The following GALNT10 variants were observed in gnomAD, a reference collection of about 807,000 sequenced individuals.
GALNT10 encodes the protein polypeptide N-acetylgalactosaminyltransferase 10.
Under a neutral mutation model 75.0 loss-of-function variants are expected in GALNT10, and 41 were observed. That is an observed-to-expected ratio of 0.55 (90% CI 0.43 to 0.71). GALNT10 has a LOEUF of 0.71. GALNT10 is among the 30% of genes least tolerant of loss of function. The pLI, the probability that GALNT10 is intolerant of heterozygous loss-of-function variation, is 0.00. For missense variants in GALNT10, 727 were observed against 818.5 expected (o/e 0.89, Z 1.36); for synonymous variants, 302 against 313.0 (o/e 0.96, Z 0.37).
At chr5:154,395,573 A>G (rs1001012130) in intron 7 of GALNT10, among the ~76,000 whole-genome samples, 3 of 152,180 alleles carry the variant, frequency 2.0e-5, no homozygotes, top group African/African-American at 4.8e-5. Flanking sequence ...CAGGAAGACA[A>G]GAGTGGAAAG....
intron 4 of GALNT10, among the ~76,000 whole-genome samples, chr5:154,346,898 G>A (rs1199049642): frequency 1.3e-5 from 2 of 151,878 alleles, no homozygotes; most frequent in African/African-American, 4.8e-5. Flanking sequence ...GATTAATTGA[G>A]ATATTTTGTG....
chr5:154,196,588 C>CA (rs1774943885), intron 1 of GALNT10, among the ~76,000 whole-genome samples: 1 of 151,826 alleles, frequency 6.6e-6, no homozygotes, highest in African/African-American at 2.4e-5. Flanking sequence ...TCCATGGCAG[C>CA]AAAAAATGGT....
At chr5:154,277,288 T>C (rs1193604368) in intron 1 of GALNT10, among the ~76,000 whole-genome samples, 11 of 151,582 alleles carry the variant, frequency 7.3e-5, no homozygotes, top group African/African-American at 2.7e-4. Flanking sequence ...AACATCTTTC[T>C]AGCATACTAG....
At chr5:154,336,161 T>C (rs1157576574) in intron 4 of GALNT10, among the ~76,000 whole-genome samples, 1 of 152,264 alleles carries the variant, frequency 6.6e-6, no homozygotes, top group Non-Finnish European at 1.5e-5. Flanking sequence ...TATGGCTTGA[T>C]AGCTCATTTC....
chr5:154,270,492 AC>A (rs1753845396), intron 1 of GALNT10, among the ~76,000 whole-genome samples: 1 of 152,014 alleles, frequency 6.6e-6, no homozygotes, highest in African/African-American at 2.4e-5. Context: ...CCCTGGTTGA[AC>A]AACATGAGAC....
At chr5:154,245,436 T>G (rs915573405) in intron 1 of GALNT10, among the ~76,000 whole-genome samples, 1 of 152,170 alleles carries the variant, frequency 6.6e-6, no homozygotes, top group Admixed American at 6.5e-5. Flanking sequence ...CCTGTAAGCT[T>G]GCTCTACCCA....
intron 1 of GALNT10, among the ~76,000 whole-genome samples, chr5:154,216,297 C>G (rs557925646): frequency 6.6e-6 from 1 of 152,036 alleles, no homozygotes; most frequent in African/African-American, 2.4e-5. Flanking sequence ...TGCATTTTTA[C>G]GTGTTGAAGG....
intron 1 of GALNT10, among the ~76,000 whole-genome samples, chr5:154,228,293 G>C (rs1753093453): frequency 6.6e-6 from 1 of 152,174 alleles, no homozygotes; most frequent in Non-Finnish European, 1.5e-5. Context: ...TTTTTCTACT[G>C]ATACTCAGTT....
intron 10 of GALNT10, 106 bp from the exon 11 acceptor site, chr5:154,415,677 A>G (rs1385796012): frequency 2.8e-6 from 3 of 1,064,142 alleles, no homozygotes; most frequent in Non-Finnish European, 4.2e-6. Context: ...TTAATATATT[A>G]TTATTTGGAC....
intron 1 of GALNT10, among the ~76,000 whole-genome samples, chr5:154,288,408 TTGTGTGTGTG>T (rs10534031): frequency 0.13 from 15,990 of 122,562 alleles, 975 homozygotes; most frequent in African/African-American, 0.18. Context: ...AAAATTCCAT[TTGTGTGTGTG>T]TGTGTGTGTG....
intron 1 of GALNT10, among the ~76,000 whole-genome samples, chr5:154,201,465 A>T (rs573403717): frequency 1.3e-5 from 2 of 152,306 alleles, no homozygotes; most frequent in African/African-American, 2.4e-5. Context: ...AGACTCACTT[A>T]TGTTTATATT....
intron 3 of GALNT10, among the ~76,000 whole-genome samples, chr5:154,304,765 C>T (rs1754406596): frequency 6.6e-6 from 1 of 151,950 alleles, no homozygotes; most frequent in Admixed American, 6.6e-5. Context: ...AAATGTGTGC[C>T]AACATAAAGA....
chr5:154,243,971 A>T (rs1003303876), intron 1 of GALNT10, among the ~76,000 whole-genome samples: 1 of 152,174 alleles, frequency 6.6e-6, no homozygotes, highest in African/African-American at 2.4e-5. Flanking sequence ...CATTTTATAG[A>T]TGAGGATAAG....
chr5:154,407,841 G>C (rs374521415), intron 8 of GALNT10, among the ~76,000 whole-genome samples: 1 of 152,122 alleles, frequency 6.6e-6, no homozygotes, highest in East Asian at 1.9e-4. Flanking sequence ...GGAAGAACTA[G>C]GTAGCAACAA....
rs1561684505 is a variant in GALNT10 at position 154,403,965 on chromosome 5, T to C, written c.1057-139T>C. ...GTTATTATATTACTGTGTTTTCCCA[T>C]GTCATTAGGTCTGTGATCCAGGCTT... On this transcript the variant is annotated intron_variant, in intron 7 of 11. Transcript: ENST00000297107. 2.3e-4 allele frequency: 172 copies of C among 738,032 alleles called. 1 individual carries two copies. The South Asian group carries it at 2.5e-3, about 11-fold the overall frequency. The allele number at this position is 738,032 out of a possible 1,614,324, so 45.7% of individuals were successfully genotyped here.
At chr5:154,284,182 C>T (rs889908161) in intron 1 of GALNT10, among the ~76,000 whole-genome samples, 1 of 152,196 alleles carries the variant, frequency 6.6e-6, no homozygotes, top group Non-Finnish European at 1.5e-5. Flanking sequence ...CTCATAATAA[C>T]CTTTATGCTA....
At chr5:154,394,839 T>C (rs1266197242) in intron 7 of GALNT10, among the ~76,000 whole-genome samples, 1 of 152,254 alleles carries the variant, frequency 6.6e-6, no homozygotes, top group Non-Finnish European at 1.5e-5. Context: ...TCCTCATTTC[T>C]TCCTTTCCCT....
chr5:154,325,715 C>T (rs958163803), intron 3 of GALNT10, among the ~76,000 whole-genome samples: 1 of 151,072 alleles, frequency 6.6e-6, no homozygotes, highest in Non-Finnish European at 1.5e-5. Context: ...TAGAAAGGAA[C>T]TGCTCCAAGC....
At chr5:154,395,849 A>G (rs1186421965) in intron 7 of GALNT10, among the ~76,000 whole-genome samples, 2 of 152,218 alleles carry the variant, frequency 1.3e-5, no homozygotes, top group Non-Finnish European at 2.9e-5. Context: ...TCACCGGGGA[A>G]CTTATTAGAA....
Sources: allele counts gnomAD v4.1 joint callset (sites outside exome capture counted in the v4.1 genomes callset), GRCh38; gene constraint gnomAD v4.1.1; transcripts MANE v1.5; gene names NCBI Gene and HGNC (gene_info 2026-07-23, HGNC 2026-07-21).